PECR: variants seen among roughly 807,000 people sequenced by gnomAD.
The protein encoded by PECR is 2,4-dienoyl-CoA reductase-related protein.
In PECR, 30 loss-of-function variants were observed where a neutral mutation model predicts 35.3. That is an observed-to-expected ratio of 0.85 (90% CI 0.64 to 1.15). The LOEUF (loss-of-function observed/expected upper bound fraction) is 1.15. Ranked by LOEUF, PECR falls within the 50% of genes most tolerant of loss-of-function variation. PECR has a pLI of 0.00. For synonymous variants in PECR, 148 were observed against 138.9 expected, an observed-to-expected ratio of 1.07 and a Z score of -0.46; for missense variants, 392 against 370.8, an observed-to-expected ratio of 1.06 and a Z score of -0.47.
At chr2:216,044,630 AG>A (rs1694956876) in intron 6 of PECR, among the ~76,000 whole-genome samples, 1 of 152,082 alleles carries the variant, frequency 6.6e-6, no homozygotes, top group Admixed American at 6.6e-5. Context: ...TGGGCCTAAG[AG>A]GTTGCAGTGA....
chr2:216,032,385 T>C (rs538358645), intron 7 of PECR, among the ~76,000 whole-genome samples: 1 of 152,356 alleles, frequency 6.6e-6, no homozygotes, highest in East Asian at 1.9e-4. Context: ...TCAAAGCATA[T>C]GAACTCAGGT....
intron 4 of PECR, among the ~76,000 whole-genome samples, chr2:216,054,973 A>G (rs1695195683): frequency 6.6e-6 from 1 of 151,996 alleles, no homozygotes; most frequent in Non-Finnish European, 1.5e-5. Context: ...TTAGCCGGGC[A>G]TAGTGGCGTG....
intron 7 of PECR, among the ~76,000 whole-genome samples, chr2:216,040,717 A>G (rs1483519968): frequency 1.3e-5 from 2 of 152,092 alleles, no homozygotes; most frequent in Non-Finnish European, 2.9e-5. Flanking sequence ...AAAACTACAA[A>G]AAAATTAGTG....
At chr2:216,046,571 A>T (rs1467630583) in intron 6 of PECR, among the ~76,000 whole-genome samples, 1 of 152,082 alleles carries the variant, frequency 6.6e-6, no homozygotes. Flanking sequence ...TTAGGCTTCC[A>T]AAGTGTTGGG....
In PECR at chr2:216,054,371, C is replaced by CT. The variant is rs34214360; in HGVS notation, c.507-2827dup. 2.7e-3 allele frequency among the ~76,000 whole-genome samples: 280 copies of CT among 102,770 alleles called. 2 individuals are homozygous for CT. The highest frequency in any genetic ancestry group is 0.022 in the East Asian group (75 of 3,466). The allele number at this position is 102,770 out of a possible 152,430, so 67.4% of individuals were successfully genotyped here. A position where few individuals can be genotyped will look rare whatever the true frequency, so the allele number is the denominator to read the frequency against. On this transcript the variant is annotated intron_variant, in intron 4 of 7. Transcript: ENST00000265322. ...AAGGTCACTAAGTTCTTTTTTCTTT[C>CT]TTTTTTTTTTTTTTTTTTTGGAGGG... is the stretch of plus-strand genomic sequence containing the variant.
Position 216,065,338 on chromosome 2 carries a change from G to T in PECR, c.398C>A (p.Thr133Lys), listed in dbSNP as rs767429439. ...GWHAVLETNLTGTFYMCKAVY... is the reference protein window; with the variant it reads ...GWHAVLETNLKGTFYMCKAVY... Reference sequence around the variant, plus strand: ...TGCTTTGCACATGTAGAAGGTACCCGTCAGGTTGGTCTCAAGCACAGCGTG... The same window carrying T: ...TGCTTTGCACATGTAGAAGGTACCCTTCAGGTTGGTCTCAAGCACAGCGTG... Residue 133 changes from threonine (T) to lysine (K), a missense_variant, in exon 3 of 8, where the codon ACG becomes AAG. Physicochemically the swap from Thr to Lys is moderately conservative, Grantham distance 78. Coordinates refer to ENST00000265322, the MANE Select transcript of PECR (RefSeq NM_018441.6). The T allele has an allele frequency of 5.0e-6, 8 of 1,611,510 alleles. No individual in the cohort carries two copies. Among genetic ancestry groups the T allele is most frequent in the Middle Eastern group, 3.3e-4 (2 of 6,054 alleles).
chr2:216,074,521 G>A (rs139909505), intron 1 of PECR, among the ~76,000 whole-genome samples: 6 of 131,536 alleles, frequency 4.6e-5, no homozygotes, highest in Admixed American at 7.7e-5. Context: ...AGGAAGGAAG[G>A]AAGGAAGGAA....
chr2:216,036,796 T>C (rs1441809671), downstream of PECR, among the ~76,000 whole-genome samples: 1 of 152,208 alleles, frequency 6.6e-6, no homozygotes, highest in Non-Finnish European at 1.5e-5. Context: ...CAAATCTCAT[T>C]ATGTCTGGGC....
intron 1 of PECR, among the ~76,000 whole-genome samples, chr2:216,077,392 A>G (rs1247548725): frequency 1.3e-5 from 2 of 151,960 alleles, no homozygotes; most frequent in African/African-American, 4.8e-5. Flanking sequence ...CTGTAGTCCC[A>G]GCTACTAGGG....
At chr2:216,054,682 A>G (rs563929880) in intron 4 of PECR, among the ~76,000 whole-genome samples, 1 of 152,304 alleles carries the variant, frequency 6.6e-6, no homozygotes, top group South Asian at 2.1e-4. Flanking sequence ...GCCCATGGAA[A>G]AATTAATCAA....
At chr2:216,040,881 GA>G (rs1264550018) in intron 7 of PECR, among the ~76,000 whole-genome samples, 1 of 151,828 alleles carries the variant, frequency 6.6e-6, no homozygotes, top group Non-Finnish European at 1.5e-5. Flanking sequence ...CAAAAAAAAA[GA>G]AAAGAAAAAG....
chr2:216,074,462 AAGAAAG>A (rs1316725359), intron 1 of PECR, among the ~76,000 whole-genome samples: 2 of 150,112 alleles, frequency 1.3e-5, no homozygotes, highest in African/African-American at 2.5e-5. Flanking sequence ...AAAGAAAGAA[AAGAAAG>A]AAAGAGAGAG....
chr2:216,034,275 C>A (rs1316683009), downstream of PECR, among the ~76,000 whole-genome samples: 1 of 152,202 alleles, frequency 6.6e-6, no homozygotes, highest in Non-Finnish European at 1.5e-5. Flanking sequence ...GAAAAGAAAC[C>A]CCTTAGACCT....
At chr2:216,070,366 T>C (rs1256555959) in intron 1 of PECR, among the ~76,000 whole-genome samples, 4 of 152,238 alleles carry the variant, frequency 2.6e-5, no homozygotes, top group African/African-American at 9.6e-5. Context: ...TTACTAACTA[T>C]AGCCATCATG....
intron 4 of PECR, among the ~76,000 whole-genome samples, chr2:216,056,016 GCTC>G (rs1247628650): frequency 6.6e-6 from 1 of 152,046 alleles, no homozygotes; most frequent in Admixed American, 6.6e-5. Flanking sequence ...CCTCCTCTGT[GCTC>G]CTTTTATCTT....
intron 7 of PECR, among the ~76,000 whole-genome samples, chr2:216,032,637 T>G (rs191839486): frequency 7.1e-4 from 108 of 152,354 alleles, no homozygotes; most frequent in Middle Eastern, 3.4e-3. Flanking sequence ...GCCACACTCA[T>G]GAACCACCAT....
At chr2:216,081,496 T>C in intron 1 of PECR, 122 bp downstream of exon 1, 2 of 1,250,136 alleles carry the variant, frequency 1.6e-6, no homozygotes, top group Middle Eastern at 2.5e-4. Context: ...CGCCCACACC[T>C]GCCCCGTCTT....
intron 4 of PECR, among the ~76,000 whole-genome samples, chr2:216,056,390 T>TA (rs1695225460): frequency 6.6e-6 from 1 of 151,706 alleles, no homozygotes; most frequent in Non-Finnish European, 1.5e-5. Flanking sequence ...GCAGCAAGTG[T>TA]AAAAAAAGAA....
chr2:216,062,083 C>T (rs1695366719), intron 3 of PECR, among the ~76,000 whole-genome samples: 1 of 147,772 alleles, frequency 6.8e-6, no homozygotes, highest in South Asian at 2.1e-4. Context: ...GACAGAGTCT[C>T]ACTCTGTCAC....
Sources: allele counts gnomAD v4.1 joint callset (sites outside exome capture counted in the v4.1 genomes callset), GRCh38; gene constraint gnomAD v4.1.1; transcripts MANE v1.5; gene names NCBI Gene and HGNC (gene_info 2026-07-23, HGNC 2026-07-21).